The following SLCO3A1 variants were observed in gnomAD, a reference collection of about 807,000 sequenced individuals.
SLCO3A1 encodes PGE1 transporter.
In SLCO3A1, 27 loss-of-function variants were observed where a neutral mutation model predicts 63.1. The observed-to-expected ratio is 0.43, with a 90% CI of 0.32 to 0.59. SLCO3A1 has a LOEUF of 0.59. SLCO3A1 is among the 20% of genes least tolerant of loss of function. The pLI, the probability that SLCO3A1 is intolerant of heterozygous loss-of-function variation, is 0.09. For synonymous variants in SLCO3A1, 473 were observed against 409.9 expected (o/e 1.15, Z -1.86); for missense variants, 773 against 945.8 (o/e 0.82, Z 2.40).
intron 9 of SLCO3A1, among the ~76,000 whole-genome samples, chr15:92,159,218 G>T (rs11631373): frequency 0.056 from 8,543 of 152,268 alleles, 325 homozygotes; most frequent in South Asian, 0.085. Flanking sequence ...TGGGTGCGGT[G>T]GCTCACGCCT....
chr15:91,902,307 C>T (rs1362602649), intron 1 of SLCO3A1, among the ~76,000 whole-genome samples: 1 of 152,008 alleles, frequency 6.6e-6, no homozygotes, highest in Non-Finnish European at 1.5e-5. Flanking sequence ...AGTGATTCTC[C>T]CACCCCAGCC....
intron 1 of SLCO3A1, among the ~76,000 whole-genome samples, chr15:91,873,019 A>G (rs1467899879): frequency 4.0e-4 from 61 of 152,242 alleles, no homozygotes; most frequent in Non-Finnish European, 8.8e-5. Flanking sequence ...AGCCACTCAA[A>G]CACATGGGCC....
At position 92,146,970 on chromosome 15, in the gene SLCO3A1, C is replaced by T. The variant is rs775094887; in HGVS notation, c.1513-14C>T. The T allele has an allele frequency of 2.1e-5, 33 of 1,597,748 alleles. 1 individual carries two copies. The highest frequency in any genetic ancestry group is 1.6e-4 in the South Asian group (14 of 87,788). ...AGTACCCCCAGATAAAAGGGCTGAA[C>T]GCTTCCCTTTCAGAATCTCACGGGC... On this transcript the variant is annotated splice_polypyrimidine_tract_variant and intron_variant, in intron 7 of 9. Coordinates refer to ENST00000318445, the MANE Select transcript of SLCO3A1 (RefSeq NM_013272.4).
chr15:92,103,125 A>G (rs890798804), intron 3 of SLCO3A1, among the ~76,000 whole-genome samples: 1 of 152,122 alleles, frequency 6.6e-6, no homozygotes, highest in Non-Finnish European at 1.5e-5. Context: ...TGAGTGCTGA[A>G]GTGTTCATCT....
At chr15:91,906,865 A>G (rs1415933117) in intron 1 of SLCO3A1, among the ~76,000 whole-genome samples, 1 of 152,102 alleles carries the variant, frequency 6.6e-6, no homozygotes, top group Non-Finnish European at 1.5e-5. Flanking sequence ...TCTATGATGG[A>G]CCAAAGAGCT....
Position 91,875,819 on chromosome 15 carries a change from A to G in SLCO3A1, c.180+21731A>G, listed in dbSNP as rs1597079286. On this transcript the variant is annotated intron_variant, in intron 1 of 9. Transcript: ENST00000318445. The surrounding 1 kb of genome is among the most constrained non-coding windows in gnomAD (Gnocchi z 4.5). ...TCTCTACTTTTGTAAGTCAACTTTTATTGGAACACAGCCATGCTGATTTAT... is the reference window on the plus strand; with the variant it reads ...TCTCTACTTTTGTAAGTCAACTTTTGTTGGAACACAGCCATGCTGATTTAT... 6.6e-6 allele frequency among the ~76,000 whole-genome samples: 1 copy of G among 152,214 alleles called. No homozygotes were observed. The highest frequency in any genetic ancestry group is 1.5e-5 in the Non-Finnish European group (1 of 68,038).
intron 2 of SLCO3A1, among the ~76,000 whole-genome samples, chr15:91,930,029 A>T (rs1472370989): frequency 1.3e-5 from 2 of 152,194 alleles, no homozygotes; most frequent in Non-Finnish European, 2.9e-5. Flanking sequence ...TTTCAGCCTT[A>T]TAAAAGTATA....
chr15:91,881,475 A>G (rs1897584889), intron 1 of SLCO3A1, among the ~76,000 whole-genome samples: 1 of 152,156 alleles, frequency 6.6e-6, no homozygotes, highest in African/African-American at 2.4e-5. Flanking sequence ...TGCACGATAA[A>G]GAAAAATGTT....
At chr15:91,907,420 G>A (rs892319988) in intron 1 of SLCO3A1, among the ~76,000 whole-genome samples, 10 of 152,042 alleles carry the variant, frequency 6.6e-5, no homozygotes, top group Non-Finnish European at 1.0e-4. Context: ...TGTCCAGGCT[G>A]GTCTTGAACT....
rs1013811985 is a variant in SLCO3A1, at chr15:91,988,452, T to G, written c.646+71994T>G. Among the ~76,000 whole-genome samples, 5 of 152,174 alleles carry G rather than the reference T, an allele frequency of 3.3e-5. No homozygotes were observed. In the East Asian group the frequency reaches 9.6e-4, roughly 29 times the overall value. ...ACTAATTTTATTTTTAAATGTTATTTTATTTTATTTAAAGAAATTAAAAAT... is the reference window on the plus strand; with the variant it reads ...ACTAATTTTATTTTTAAATGTTATTGTATTTTATTTAAAGAAATTAAAAAT... On this transcript the variant is annotated intron_variant, in intron 2 of 9. Coordinates refer to ENST00000318445, the MANE Select transcript of SLCO3A1 (RefSeq NM_013272.4).
At chr15:92,144,500 A>G (rs756675070) in intron 7 of SLCO3A1, among the ~76,000 whole-genome samples, 4 of 152,238 alleles carry the variant, frequency 2.6e-5, no homozygotes, top group Non-Finnish European at 5.9e-5. Flanking sequence ...ACAGAGAGGA[A>G]CCACCCTTAC....
intron 3 of SLCO3A1, among the ~76,000 whole-genome samples, chr15:92,102,077 CTTT>C (rs895407928): frequency 4.5e-4 from 69 of 152,260 alleles, no homozygotes; most frequent in African/African-American, 1.6e-3. Context: ...ATTTCTCTCT[CTTT>C]ACCCGCTCAC....
At chr15:91,987,947 G>C (rs1425603352) in intron 2 of SLCO3A1, among the ~76,000 whole-genome samples, 3 of 151,986 alleles carry the variant, frequency 2.0e-5, no homozygotes, top group African/African-American at 7.3e-5. Context: ...GGATTTGCCG[G>C]CAAAGGATTA....
At chr15:91,933,002 G>T (rs1201974856) in intron 2 of SLCO3A1, among the ~76,000 whole-genome samples, 1 of 152,104 alleles carries the variant, frequency 6.6e-6, no homozygotes, top group African/African-American at 2.4e-5. Context: ...TCTACTAAGA[G>T]AATCTTCCCC....
intron 8 of SLCO3A1, among the ~76,000 whole-genome samples, chr15:92,147,778 G>C (rs2048248255): frequency 6.6e-6 from 1 of 152,332 alleles, no homozygotes; most frequent in African/African-American, 2.4e-5. Context: ...GGGGATAGGT[G>C]AAGTGCCTCA....
chr15:92,033,452 C>T lies in SLCO3A1; in HGVS notation c.647-61429C>T, dbSNP rs1236025027. Among the ~76,000 whole-genome samples the T allele has an allele frequency of 6.6e-6, 1 of 152,124 alleles. No individual in the cohort carries two copies. Among genetic ancestry groups the T allele is most frequent in the African/African-American group, 2.4e-5 (1 of 41,440 alleles). On this transcript the variant is annotated intron_variant, in intron 2 of 9. Transcript: ENST00000318445. This position sits in a 1 kb window ranked among gnomAD's most constrained non-coding sequence, Gnocchi z 4.5. ...TCACGCTTGGGCAGCTGGATGGACA[C>T]GTCGTGGAGTGAAAACCTAAAGGGA...
chr15:92,113,942 A>G (rs2047760658), intron 4 of SLCO3A1, among the ~76,000 whole-genome samples: 1 of 152,182 alleles, frequency 6.6e-6, no homozygotes, highest in Non-Finnish European at 1.5e-5. Flanking sequence ...CAGCCCGGGA[A>G]TTTTGATTCT....
intron 7 of SLCO3A1, among the ~76,000 whole-genome samples, chr15:92,143,091 A>G (rs2048156619): frequency 6.6e-6 from 1 of 151,326 alleles, no homozygotes; most frequent in South Asian, 2.1e-4. Flanking sequence ...CAGGAATGTG[A>G]TATGGGGGTA....
intron 2 of SLCO3A1, among the ~76,000 whole-genome samples, chr15:91,928,786 T>C (rs970380071): frequency 6.6e-6 from 1 of 152,218 alleles, no homozygotes; most frequent in Admixed American, 6.5e-5. Flanking sequence ...AAAAAAATCA[T>C]GTGAGTTGTT....
Sources: gnomAD v4.1 joint callset for allele counts (sites outside exome capture counted in the v4.1 genomes callset) on GRCh38, gnomAD v4.1.1 for gene constraint, Gnocchi (gnomAD v3.1) non-coding constraint, MANE v1.5 for transcripts, NCBI Gene and HGNC (gene_info 2026-07-23, HGNC 2026-07-21) for gene names.